Variants in IKZF1 observed in about 807,000 individuals in gnomAD.
IKZF1 encodes DNA-binding protein Ikaros.
Under a neutral mutation model 51.7 loss-of-function variants are expected in IKZF1, and 10 were observed. That is an observed-to-expected ratio of 0.19 (90% CI 0.12 to 0.33). The LOEUF (loss-of-function observed/expected upper bound fraction) is 0.33, where lower values mean the gene tolerates loss of function less well. Ranked by LOEUF, IKZF1 falls within the 10% of genes least tolerant of loss-of-function variation. The pLI is 1.00. For missense variants in IKZF1, 484 were observed against 707.5 expected (o/e 0.68, Z 3.58); for synonymous variants, 280 against 282.3 (o/e 0.99, Z 0.08).
At chr7:50,327,977 A>G in intron 3 of IKZF1, 1 of 522,286 alleles carries the variant, frequency 1.9e-6, no homozygotes, top group Non-Finnish European at 3.3e-6. Context: ...CACACCCCGC[A>G]AAATGTCCAA....
intron 3 of IKZF1, among the ~76,000 whole-genome samples, chr7:50,347,878 G>T (rs935839369): frequency 6.6e-6 from 1 of 152,136 alleles, no homozygotes; most frequent in Admixed American, 6.5e-5. Flanking sequence ...TATGCGGACG[G>T]CTCTTTGTGA....
At chr7:50,368,239 G>A (rs267601537) in intron 3 of IKZF1, 5 of 703,074 alleles carry the variant, frequency 7.1e-6, no homozygotes, top group Admixed American at 2.0e-5. Context: ...AGTGCAAAAC[G>A]AAGGTCTAGG....
intron 1 of IKZF1, among the ~76,000 whole-genome samples, chr7:50,311,681 G>A (rs1029512863): frequency 1.3e-5 from 2 of 152,102 alleles, no homozygotes; most frequent in African/African-American, 2.4e-5. Flanking sequence ...GAAATGTTAC[G>A]GGTATACAAG....
chr7:50,328,060 C>T (rs36178128), intron 3 of IKZF1: 28,748 of 287,432 alleles, frequency 0.1, 1,614 homozygotes, highest in African/African-American at 0.15. Context: ...GCAGGAATAT[C>T]AAATGTTATG....
intron 3 of IKZF1, among the ~76,000 whole-genome samples, chr7:50,351,621 G>A (rs1453357899): frequency 6.6e-6 from 1 of 152,148 alleles, no homozygotes; most frequent in African/African-American, 2.4e-5. Context: ...GCTGGCCAGT[G>A]AGCCCTTCAT....
intron 3 of IKZF1, among the ~76,000 whole-genome samples, chr7:50,331,148 T>C (rs1181868021): frequency 1.3e-5 from 2 of 151,960 alleles, no homozygotes; most frequent in African/African-American, 4.8e-5. Flanking sequence ...TTGTGCAAAA[T>C]AGAACTTTCA....
At chr7:50,369,799 T>C (rs1808121454) in intron 3 of IKZF1, 1 of 381,808 alleles carries the variant, frequency 2.6e-6, no homozygotes, top group Non-Finnish European at 4.6e-6. Flanking sequence ...TTTACTCTTC[T>C]GCCTTTCTTT....
At chr7:50,304,530 G>C (rs1788296116), upstream of IKZF1, 1 of 149,934 alleles carries the variant, frequency 6.7e-6, no homozygotes, top group Non-Finnish European at 1.5e-5. Flanking sequence ...GAGGGGGCCA[G>C]GTACGGGGCC....
At position 50,376,677 on chromosome 7, in the gene IKZF1, C is replaced by T. The variant is rs776572250; in HGVS notation, c.305C>T (p.Ser102Leu). The change falls in exon 4 of 8, where the codon TCG (serine) becomes TTG (leucine). Residue 102 changes from serine to leucine, a missense_variant. Physicochemically the swap from Ser to Leu is moderately radical, Grantham distance 145 (BLOSUM62 -2). Around this residue, in one of 6 missense-constraint regions of IKZF1, gnomAD observed 118 missense variants for 138.4 expected, o/e 0.85. Transcript: ENST00000331340. This position sits in a 1 kb window ranked among gnomAD's most constrained non-coding sequence, Gnocchi z 4.5. Reference protein sequence around the residue: ...MNGSHRDQGSSALSGVGGIRL... With the variant: ...MNGSHRDQGSLALSGVGGIRL... ...GGCTCCCACAGGGACCAAGGCAGCT[C>T]GGCTTTGTCGGGAGTTGGAGGCATT... 3 of 1,613,922 alleles carry T rather than the reference C, an allele frequency of 1.9e-6. No individual in the cohort carries two copies. The South Asian group carries it at 3.3e-5, about 18-fold the overall frequency.
chr7:50,304,227 G>C (rs1228607515), upstream of IKZF1: 2 of 150,328 alleles, frequency 1.3e-5, no homozygotes, highest in South Asian at 4.1e-4. Context: ...CGGCTGAGAC[G>C]CGCGCCGCGC....
intron 3 of IKZF1, among the ~76,000 whole-genome samples, chr7:50,341,698 A>T (rs928914872): frequency 4.4e-4 from 67 of 152,358 alleles, no homozygotes; most frequent in African/African-American, 1.5e-3. Flanking sequence ...AAGAAAAATG[A>T]CACAGGTGAA....
At chr7:50,326,148 T>C (rs948519833) in intron 2 of IKZF1, among the ~76,000 whole-genome samples, 2 of 152,226 alleles carry the variant, frequency 1.3e-5, no homozygotes, top group Admixed American at 1.3e-4. Context: ...ATTTTACTGG[T>C]CTTGCCAGTC....
chr7:50,388,318 T>G (rs2153490704), intron 6 of IKZF1, among the ~76,000 whole-genome samples: 1 of 152,344 alleles, frequency 6.6e-6, no homozygotes, highest in East Asian at 1.9e-4. Context: ...GGAGGAAAAT[T>G]TATTAAGCCT....
chr7:50,349,179 C>T (rs1801182366), intron 3 of IKZF1, among the ~76,000 whole-genome samples: 1 of 152,124 alleles, frequency 6.6e-6, no homozygotes, highest in Non-Finnish European at 1.5e-5. Flanking sequence ...CCTTTGTTGC[C>T]ACCAAAAGAT....
intron 3 of IKZF1, among the ~76,000 whole-genome samples, chr7:50,350,440 G>A (rs750910254): frequency 2.0e-5 from 3 of 152,196 alleles, no homozygotes; most frequent in Non-Finnish European, 4.4e-5. Flanking sequence ...TGAACAGGTA[G>A]CATTTCTGAA....
At chr7:50,385,674 G>A (rs1384216457) in intron 5 of IKZF1, among the ~76,000 whole-genome samples, 1 of 152,172 alleles carries the variant, frequency 6.6e-6, no homozygotes, top group Non-Finnish European at 1.5e-5. Context: ...TAGATATTCA[G>A]ACATCATGTC....
chr7:50,403,249 TA>T lies in IKZF1; in HGVS notation c.*2626del. 1 of 221,632 alleles carries T rather than the reference TA, an allele frequency of 4.5e-6. No homozygotes were observed. The highest frequency in any genetic ancestry group is 9.0e-6 in the Non-Finnish European group (1 of 110,706). 13.7% of individuals were successfully genotyped at this position (221,632 alleles called of 1,614,324 possible). On this transcript the variant is annotated 3_prime_UTR_variant, in exon 8 of 8. Coordinates refer to ENST00000331340, the MANE Select transcript of IKZF1 (RefSeq NM_006060.6). Reference sequence around the variant, plus strand: ...TGTCAGCAAGTAATTAACTTATGTTTAAAAGGTGGCCATATCATGTACCAAA... The same window carrying T: ...TGTCAGCAAGTAATTAACTTATGTTTAAAGGTGGCCATATCATGTACCAAA...
Position 50,327,406 on chromosome 7 carries a change from T to G in IKZF1, c.41-232T>G, listed in dbSNP as rs151229473. On this transcript the variant is annotated intron_variant, in intron 2 of 7. Coordinates refer to ENST00000331340, the MANE Select transcript of IKZF1 (RefSeq NM_006060.6). ...ATTTTAAGAGTGGCAGTGTCTGGGA[T>G]TATAGGTGATTGTATTTCTTCCCTT... 719 of 396,558 alleles carry G rather than the reference T, an allele frequency of 1.8e-3. 4 individuals carry two copies. The highest frequency in any genetic ancestry group is 8.9e-3 in the African/African-American group (439 of 49,316). 24.6% of individuals were successfully genotyped at this position (396,558 alleles called of 1,614,324 possible).
chr7:50,327,520 A>G (rs1035703470), intron 2 of IKZF1, 118 bp from the exon 3 acceptor site: 11 of 1,191,742 alleles, frequency 9.2e-6, no homozygotes, highest in South Asian at 1.7e-5. Context: ...CCAGCAGAGA[A>G]GCACTGGCTC....
Sources: allele counts gnomAD v4.1 joint callset (sites outside exome capture counted in the v4.1 genomes callset), GRCh38; gene constraint gnomAD v4.1.1; regional missense constraint gnomAD v4.1.1; non-coding constraint Gnocchi (gnomAD v3.1); transcripts MANE v1.5; gene names NCBI Gene and HGNC (gene_info 2026-07-23, HGNC 2026-07-21).